The following NBEA variants were observed in gnomAD, a reference collection of about 807,000 sequenced individuals.
NBEA encodes the protein lysosomal-trafficking regulator 2.
Under a neutral mutation model 343.4 loss-of-function variants are expected in NBEA, and 44 were observed. The ratio of observed to expected loss-of-function variants is 0.13; its 90% CI spans 0.10 to 0.16. The LOEUF (loss-of-function observed/expected upper bound fraction) is 0.16, where lower values mean the gene tolerates loss of function less well. Ranked by LOEUF, NBEA falls within the 10% of genes least tolerant of loss-of-function variation. The probability of loss-of-function intolerance (pLI) is 1.00; values close to 1 mark genes in which losing one functional copy is unlikely to be tolerated. For synonymous variants in NBEA, 1,175 were observed against 1,238.7 expected (o/e 0.95, Z 1.08); for missense variants, 2,555 against 3,631.3 (o/e 0.70, Z 7.62).
chr13:34,969,328 A>G (rs57848903), intron 1 of NBEA, among the ~76,000 whole-genome samples: 1 of 151,806 alleles, frequency 6.6e-6, no homozygotes, highest in African/African-American at 2.4e-5. Flanking sequence ...AAAAAAAAAA[A>G]CTAAAATTTT....
chr13:35,075,622 A>G (rs1248422699), intron 10 of NBEA, among the ~76,000 whole-genome samples: 2 of 152,086 alleles, frequency 1.3e-5, no homozygotes, highest in Non-Finnish European at 2.9e-5. Flanking sequence ...TGTAATGTGA[A>G]TATTTATGAC....
intron 10 of NBEA, among the ~76,000 whole-genome samples, chr13:35,097,614 T>C (rs1164876018): frequency 6.6e-6 from 1 of 152,048 alleles, no homozygotes; most frequent in African/African-American, 2.4e-5. Context: ...TTTTATTTTG[T>C]TTCTTCATTG....
intron 1 of NBEA, among the ~76,000 whole-genome samples, chr13:34,951,329 G>A (rs961066694): frequency 1.3e-5 from 2 of 152,102 alleles, no homozygotes; most frequent in Non-Finnish European, 2.9e-5. Context: ...TGTAAAATGG[G>A]ATTTCAACCT....
At chr13:35,603,566 G>T (rs979103369) in intron 47 of NBEA, among the ~76,000 whole-genome samples, 5 of 152,130 alleles carry the variant, frequency 3.3e-5, no homozygotes, top group African/African-American at 1.2e-4. Context: ...TGCCAAGATG[G>T]TATAAGATAA....
intron 1 of NBEA, among the ~76,000 whole-genome samples, chr13:35,025,376 C>G (rs1390153872): frequency 6.6e-6 from 1 of 152,130 alleles, no homozygotes; most frequent in Non-Finnish European, 1.5e-5. Flanking sequence ...TTTCAATCTT[C>G]TGTATATGTT....
At chr13:35,083,981 G>A (rs935993341) in intron 10 of NBEA, among the ~76,000 whole-genome samples, 1 of 152,048 alleles carries the variant, frequency 6.6e-6, no homozygotes, top group South Asian at 2.1e-4. Context: ...GACAAAGAAG[G>A]CCATTACATA....
intron 38 of NBEA, among the ~76,000 whole-genome samples, chr13:35,390,679 G>C (rs547347969): frequency 6.6e-6 from 1 of 152,178 alleles, no homozygotes; most frequent in East Asian, 1.9e-4. Flanking sequence ...ACAAAAATCA[G>C]CTAGTAAGTA....
At chr13:35,413,735 A>T (rs140187671) in intron 38 of NBEA, among the ~76,000 whole-genome samples, 2 of 152,250 alleles carry the variant, frequency 1.3e-5, no homozygotes, top group African/African-American at 4.8e-5. Flanking sequence ...TTGATTGTTC[A>T]TATGTTCTTT....
intron 24 of NBEA, among the ~76,000 whole-genome samples, chr13:35,168,346 A>G (rs2070200535): frequency 6.6e-6 from 1 of 151,630 alleles, no homozygotes. Context: ...TAAGAATCTT[A>G]AACTTAGTAT....
At chr13:35,202,609 A>G (rs530997027) in intron 31 of NBEA, among the ~76,000 whole-genome samples, 3 of 152,220 alleles carry the variant, frequency 2.0e-5, no homozygotes, top group Non-Finnish European at 2.9e-5. Flanking sequence ...CCAATACCCT[A>G]TCCTTATACC....
chr13:35,644,810 G>A (rs1461463749), intron 49 of NBEA, among the ~76,000 whole-genome samples: 1 of 152,144 alleles, frequency 6.6e-6, no homozygotes, highest in East Asian at 1.9e-4. Flanking sequence ...TTGCACTGGG[G>A]AGACAAAAGT....
chr13:35,239,941 G>A (rs1283361111), intron 34 of NBEA, among the ~76,000 whole-genome samples: 1 of 151,774 alleles, frequency 6.6e-6, no homozygotes, highest in South Asian at 2.1e-4. Flanking sequence ...TGTCAGAAGA[G>A]CTCAGGAGCT....
chr13:35,605,049 T>C lies in NBEA; in HGVS notation c.7297-1377T>C, dbSNP rs112925621. Among the ~76,000 whole-genome samples the C allele has an allele frequency of 3.3e-3, 497 of 152,306 alleles. 2 individuals carry two copies. Among genetic ancestry groups the C allele is most frequent in the Non-Finnish European group, 4.3e-3 (293 of 68,012 alleles). On this transcript the variant is annotated intron_variant, in intron 47 of 58. Transcript: ENST00000379939. ...TTGTTTCCTGAGTACACATCACAGTTTCTGGTACTAAAAACCTTTACTGTA... is the reference window on the plus strand; with the variant it reads ...TTGTTTCCTGAGTACACATCACAGTCTCTGGTACTAAAAACCTTTACTGTA...
intron 41 of NBEA, among the ~76,000 whole-genome samples, chr13:35,503,617 C>T (rs369210560): frequency 6.6e-6 from 1 of 151,940 alleles, no homozygotes; most frequent in Admixed American, 6.6e-5. Flanking sequence ...TACCAGGATA[C>T]ATTTCTTAAG....
rs1052145672 is a variant in NBEA, at chr13:35,558,015, A to C, written c.6922+2913A>C. 9.8e-5 allele frequency among the ~76,000 whole-genome samples: 15 copies of C among 152,292 alleles called. No homozygotes were observed. In the East Asian group the frequency reaches 2.9e-3, roughly 29 times the overall value. ...CAGTATAGTGTTAGAGTAGAAGGGA[A>C]TGCGATGTGGAGTTTTAGAAAAATT... On this transcript the variant is annotated intron_variant, in intron 44 of 58. Transcript: ENST00000379939.
intron 41 of NBEA, among the ~76,000 whole-genome samples, chr13:35,483,929 A>T (rs4943304): frequency 6.6e-6 from 1 of 151,864 alleles, no homozygotes; most frequent in Admixed American, 6.6e-5. Flanking sequence ...GCCTCTATAC[A>T]TTTTCCGTAT....
At chr13:35,214,959 A>G (rs1047902891) in intron 33 of NBEA, among the ~76,000 whole-genome samples, 16 of 151,718 alleles carry the variant, frequency 1.1e-4, no homozygotes, top group African/African-American at 3.9e-4. Flanking sequence ...TTGATTTAAA[A>G]TCAATTGACC....
chr13:35,024,394 C>T (rs188968859), intron 1 of NBEA, among the ~76,000 whole-genome samples: 5 of 152,058 alleles, frequency 3.3e-5, no homozygotes, highest in East Asian at 3.9e-4. Flanking sequence ...ATTTTGGGCC[C>T]GGCGTGGTGG....
chr13:35,433,018 C>G (rs552360294), intron 39 of NBEA, among the ~76,000 whole-genome samples: 1 of 152,128 alleles, frequency 6.6e-6, no homozygotes, highest in African/African-American at 2.4e-5. Flanking sequence ...AATTTCCAGT[C>G]CTCCAATGCA....
Sources: allele counts gnomAD v4.1 joint callset (sites outside exome capture counted in the v4.1 genomes callset), GRCh38; gene constraint gnomAD v4.1.1; transcripts MANE v1.5; gene names NCBI Gene and HGNC (gene_info 2026-07-23, HGNC 2026-07-21).